RRP1: variants seen among roughly 807,000 people sequenced by gnomAD.
RRP1 encodes ribosomal RNA processing 1, also known as ribosomal RNA processing protein 1 homolog A.
Under a neutral mutation model 54.6 loss-of-function variants are expected in RRP1, and 37 were observed. That is an observed-to-expected ratio of 0.68 (90% CI 0.52 to 0.89). The LOEUF is 0.89. RRP1 is among the 40% of genes least tolerant of loss of function. The probability of loss-of-function intolerance (pLI) is 0.00; values close to 1 mark genes in which losing one functional copy is unlikely to be tolerated. For missense variants in RRP1, 639 were observed against 612.5 expected (o/e 1.04, Z -0.46); for synonymous variants, 262 against 244.3 (o/e 1.07, Z -0.67).
Position 43,803,596 on chromosome 21 carries a change from G to C in RRP1, c.1208G>C (p.Arg403Pro). 1 of 1,552,212 alleles carries C rather than the reference G, an allele frequency of 6.4e-7. No homozygotes were observed. Among genetic ancestry groups the C allele is most frequent in the Non-Finnish European group, 8.7e-7 (1 of 1,148,284 alleles). Residue 403 changes from arginine (R) to proline (P), a missense_variant, in exon 13 of 13, where the codon CGG becomes CCG. Physicochemically the swap from Arg to Pro is moderately radical, Grantham distance 103 (BLOSUM62 -2). Transcript: ENST00000497547. Reference sequence around the variant, plus strand: ...GGTGTAGGGGCCGACCCCGAGGCGCGGGCAGAGGCTGGTGAGCAGCCAGGC... The same window carrying C: ...GGTGTAGGGGCCGACCCCGAGGCGCCGGCAGAGGCTGGTGAGCAGCCAGGC... ...RRGVGADPEA[R>P]AEAGEQPGTA...
intron 11 of RRP1, 27 bp from the exon 12 acceptor site, chr21:43,802,246 GC>G (rs777700264): frequency 5.1e-6 from 8 of 1,553,592 alleles, no homozygotes; most frequent in African/African-American, 4.1e-5. Flanking sequence ...GCCCCCGAGA[GC>G]CCCCTGACTT....
intron 11 of RRP1, 46 bp downstream of exon 11, chr21:43,800,927 A>G (rs2085083487): frequency 6.2e-7 from 1 of 1,601,866 alleles, no homozygotes; most frequent in East Asian, 2.2e-5. Flanking sequence ...TTGGAGGTGG[A>G]GCTCCATCCT....
At chr21:43,800,938 C>T (rs1183624640) in intron 11 of RRP1, 57 bp downstream of exon 11, 100 of 1,592,562 alleles carry the variant, frequency 6.3e-5, no homozygotes, top group Admixed American at 3.3e-5. Context: ...GCTCCATCCT[C>T]GTGGGAGTGG....
rs771099338 is a variant in RRP1, at chr21:43,803,626, C to T, written c.1238C>T (p.Ala413Val). Reference sequence around the variant, plus strand: ...GAGGCTGGTGAGCAGCCAGGCACAGCTGAGCGGGCCCTGCTCCGAGATCAG... The same window carrying T: ...GAGGCTGGTGAGCAGCCAGGCACAGTTGAGCGGGCCCTGCTCCGAGATCAG... ...RAEAGEQPGTAERALLRDQPR... is the reference protein window; with the variant it reads ...RAEAGEQPGTVERALLRDQPR... The change falls in exon 13 of 13, where the codon GCT (alanine) becomes GTT (valine). Residue 413 changes from alanine to valine, a missense_variant. Physicochemically the swap from Ala to Val is moderately conservative, Grantham distance 64. Transcript: ENST00000497547. 6.4e-7 allele frequency: 1 copy of T among 1,551,022 alleles called. No individual in the cohort carries two copies. The highest frequency in any genetic ancestry group is 8.7e-7 in the Non-Finnish European group (1 of 1,147,806).
rs1257320045 is a variant in RRP1 at position 43,789,708 on chromosome 21, C to T, written c.79C>T (p.Arg27Trp). Residue 27 changes from arginine (R) to tryptophan (W), a missense_variant, in exon 1 of 13, where the codon CGG (arginine) becomes TGG (tryptophan). Physicochemically the swap from Arg to Trp is moderately radical, Grantham distance 101. Coordinates refer to ENST00000497547, the MANE Select transcript of RRP1 (RefSeq NM_003683.6). The stretch of plus-strand genomic sequence containing the variant: ...GGGGAATGAGCAGGTGACCCGGGAC[C>T]GGGCGGTGAGGAAGCTCCGGAAATA... ...LAGNEQVTRD[R>W]AVRKLRKYIV... 1 of 1,552,428 alleles carries T rather than the reference C, an allele frequency of 6.4e-7. No homozygotes were observed. Among genetic ancestry groups the T allele is most frequent in the South Asian group, 1.2e-5 (1 of 84,440 alleles).
chr21:43,797,605 T>C (rs765330580), intron 6 of RRP1, 26 bp from the exon 7 acceptor site: 5 of 1,614,166 alleles, frequency 3.1e-6, no homozygotes, highest in Non-Finnish European at 8.5e-7. Context: ...GAGGAGGAAC[T>C]GAGCTCCCGC....
intron 1 of RRP1, chr21:43,790,355 G>C (rs956749529): frequency 2.6e-5 from 4 of 152,978 alleles, no homozygotes; most frequent in Non-Finnish European, 4.4e-5. Flanking sequence ...CAAAGGCCCA[G>C]GAGTCCAGCC....
At chr21:43,794,739 A>T (rs1227489338) in intron 4 of RRP1, among the ~76,000 whole-genome samples, 1 of 152,068 alleles carries the variant, frequency 6.6e-6, no homozygotes, top group Non-Finnish European at 1.5e-5. Context: ...AGAGGAAGTG[A>T]GCTACATTCT....
At chr21:43,802,757 CCTT>C (rs981149233) in intron 12 of RRP1, among the ~76,000 whole-genome samples, 5 of 152,236 alleles carry the variant, frequency 3.3e-5, no homozygotes, top group Non-Finnish European at 5.9e-5. Flanking sequence ...TCTTCCTTCC[CCTT>C]CTTCCCTCCA....
At chr21:43,790,676 CT>C (rs2084947801) in intron 1 of RRP1, 1 of 235,962 alleles carries the variant, frequency 4.2e-6, no homozygotes, top group Non-Finnish European at 8.5e-6. Flanking sequence ...CAGCCTCTAC[CT>C]CCCAGGCTCA....
chr21:43,799,767 A>G, intron 9 of RRP1, 118 bp downstream of exon 9: 1 of 944,126 alleles, frequency 1.1e-6, no homozygotes, highest in Non-Finnish European at 1.6e-6. Context: ...ATGGAGAGTT[A>G]CCCGGACAGG....
chr21:43,803,714 T>C lies in RRP1; in HGVS notation c.1326T>C (p.Ser442=). Residue 442 remains serine, a synonymous_variant, in exon 13 of 13, where the codon AGT becomes AGC. Coordinates refer to ENST00000497547, the MANE Select transcript of RRP1 (RefSeq NM_003683.6). Reference sequence around the variant, plus strand: ...GGAGGACACCTCGGCCCCTGACCAGTGCCCGAGCAAAGGCGGCCAATGTCC... The same window carrying C: ...GGAGGACACCTCGGCCCCTGACCAGCGCCCGAGCAAAGGCGGCCAATGTCC... The part of the protein sequence containing the change: ...QRRRTPRPLT[S]ARAKAANVQE... 6.4e-7 allele frequency: 1 copy of C among 1,561,748 alleles called. No individual in the cohort carries two copies.
intron 5 of RRP1, among the ~76,000 whole-genome samples, chr21:43,795,939 A>G (rs1403253063): frequency 6.6e-6 from 1 of 152,186 alleles, no homozygotes; most frequent in East Asian, 1.9e-4. Flanking sequence ...CAAGAGATCG[A>G]GACCATCCTG....
chr21:43,792,618 T>C, intron 2 of RRP1, 54 bp from the exon 3 acceptor site: 1 of 1,577,844 alleles, frequency 6.3e-7, no homozygotes, highest in Non-Finnish European at 8.7e-7. Flanking sequence ...TGTGTGTCAT[T>C]GTGAGAGCCT....
chr21:43,798,191 A>G (rs66829381), intron 8 of RRP1, 91 bp downstream of exon 8: 75,610 of 1,131,414 alleles, frequency 0.067, 3,107 homozygotes, highest in South Asian at 0.15. Context: ...GCCACCTCCT[A>G]CCTGGTCCCC....
intron 8 of RRP1, among the ~76,000 whole-genome samples, chr21:43,798,790 A>G (rs1046934421): frequency 7.2e-5 from 11 of 151,964 alleles, no homozygotes; most frequent in Non-Finnish European, 1.5e-5. Flanking sequence ...TCTGAGCTCT[A>G]AGTGTGGCAT....
chr21:43,803,098 C>T (rs1049661587), intron 12 of RRP1, among the ~76,000 whole-genome samples: 3 of 152,256 alleles, frequency 2.0e-5, no homozygotes, highest in African/African-American at 7.2e-5. Flanking sequence ...AGCTCCGTGC[C>T]ATTGAAGCCG....
rs758116144 is a variant in RRP1 at position 43,797,688 on chromosome 21, A to G, written c.610A>G (p.Thr204Ala). 2.5e-6 allele frequency: 4 copies of G among 1,613,804 alleles called. No homozygotes were observed. Among genetic ancestry groups the G allele is most frequent in the Non-Finnish European group, 3.4e-6 (4 of 1,180,014 alleles). ...CCCCTTCTGCAGAATTGCTGCCCGGACCAAGGAGTAAGTGGTGGGTGGCCT... is the reference window on the plus strand; with the variant it reads ...CCCCTTCTGCAGAATTGCTGCCCGGGCCAAGGAGTAAGTGGTGGGTGGCCT... ...IDPFCRIAARTKDSLVLNNIT... is the reference protein window; with the variant it reads ...IDPFCRIAARAKDSLVLNNIT... The change falls in exon 7 of 13, where the codon ACC becomes GCC. Residue 204 changes from threonine to alanine, a missense_variant. Coordinates refer to ENST00000497547, the MANE Select transcript of RRP1 (RefSeq NM_003683.6).
In RRP1 at chr21:43,793,213, T is replaced by C. The variant is rs559612272; in HGVS notation, c.275-106T>C. ...GGGTAGGGCCTGGGCATCAGCATTTTTTATCTATAGCTATGTAAAGAACGG... is the reference window on the plus strand; with the variant it reads ...GGGTAGGGCCTGGGCATCAGCATTTCTTATCTATAGCTATGTAAAGAACGG... On this transcript the variant is annotated intron_variant, in intron 3 of 12. Transcript: ENST00000497547. 83 of 973,092 alleles carry C rather than the reference T, an allele frequency of 8.5e-5. No individual in the cohort carries two copies. The African/African-American group carries it at 1.2e-3, about 15-fold the overall frequency. 60.3% of individuals were successfully genotyped at this position (973,092 alleles called of 1,614,324 possible).
Sources: allele counts gnomAD v4.1 joint callset (sites outside exome capture counted in the v4.1 genomes callset), GRCh38; gene constraint gnomAD v4.1.1; transcripts MANE v1.5; gene names NCBI Gene and HGNC (gene_info 2026-07-23, HGNC 2026-07-21).